The following ELMO1 variants were observed in gnomAD, a reference collection of about 807,000 sequenced individuals.
ELMO1 encodes the protein engulfment and cell motility 1, also known as engulfment and cell motility protein 1.
Under a neutral mutation model 98.9 loss-of-function variants are expected in ELMO1, and 26 were observed. The observed-to-expected ratio is 0.26, with a 90% CI of 0.19 to 0.36. ELMO1 has a LOEUF of 0.36. Among genes scored for constraint, ELMO1 ranks in the 10% least tolerant of loss-of-function variants. The pLI is 1.00. For synonymous variants in ELMO1, 346 were observed against 346.0 expected, an observed-to-expected ratio of 1.00 and a Z score of 0.00; for missense variants, 627 against 935.2, an observed-to-expected ratio of 0.67 and a Z score of 4.30.
chr7:37,319,168 C>A (rs750493545), intron 2 of ELMO1, among the ~76,000 whole-genome samples: 11 of 152,176 alleles, frequency 7.2e-5, no homozygotes, highest in Non-Finnish European at 1.6e-4. Context: ...AACTCTCCTG[C>A]AGGTATCTTA....
chr7:36,986,181 AG>A, intron 16 of ELMO1: 14 of 985,706 alleles, frequency 1.4e-5, no homozygotes, highest in Non-Finnish European at 1.6e-5. Context: ...GCTGGAGCCC[AG>A]GGATGCTCCG....
chr7:36,860,934 G>A (rs1802581187), intron 21 of ELMO1, among the ~76,000 whole-genome samples: 1 of 152,180 alleles, frequency 6.6e-6, no homozygotes, highest in Admixed American at 6.5e-5. Flanking sequence ...ACAAAAGTCA[G>A]ATTCTATTAA....
intron 15 of ELMO1, among the ~76,000 whole-genome samples, chr7:37,077,386 G>A (rs973443299): frequency 1.3e-5 from 2 of 152,180 alleles, no homozygotes; most frequent in African/African-American, 4.8e-5. Flanking sequence ...CATGGCCCAG[G>A]GTGAAGAGGA....
chr7:37,107,976 C>G (rs942733302), intron 14 of ELMO1, among the ~76,000 whole-genome samples: 1 of 151,918 alleles, frequency 6.6e-6, no homozygotes, highest in Admixed American at 6.6e-5. Flanking sequence ...CTCTTCTGGA[C>G]AAATAATAAA....
chr7:37,305,187 TA>T (rs1798547842), intron 4 of ELMO1, among the ~76,000 whole-genome samples: 1 of 152,174 alleles, frequency 6.6e-6, no homozygotes. Flanking sequence ...TAGGGTGAAA[TA>T]AAGTAAAACT....
intron 1 of ELMO1, among the ~76,000 whole-genome samples, chr7:37,408,457 T>G (rs940166181): frequency 6.6e-6 from 1 of 152,234 alleles, no homozygotes. Context: ...ACATTGGCAC[T>G]ACTGTGTACA....
At chr7:37,331,641 G>A (rs1042478719) in intron 2 of ELMO1, among the ~76,000 whole-genome samples, 1 of 152,076 alleles carries the variant, frequency 6.6e-6, no homozygotes, top group African/African-American at 2.4e-5. Flanking sequence ...ACACACCGAT[G>A]TTTAAGCTCT....
intron 16 of ELMO1, among the ~76,000 whole-genome samples, chr7:37,005,125 A>AG (rs1554389270): frequency 1.5e-4 from 23 of 149,622 alleles, no homozygotes; most frequent in African/African-American, 5.1e-4. Context: ...AAAAAAAAAA[A>AG]AAAAAAAGAA....
intron 2 of ELMO1, among the ~76,000 whole-genome samples, chr7:37,336,700 G>A (rs1441646483): frequency 5.3e-5 from 8 of 152,140 alleles, no homozygotes; most frequent in Admixed American, 3.9e-4. Context: ...CAGCTTTGCC[G>A]AGCGTAACCG....
intron 2 of ELMO1, among the ~76,000 whole-genome samples, chr7:37,330,325 T>A (rs950645912): frequency 3.3e-5 from 5 of 152,252 alleles, no homozygotes; most frequent in African/African-American, 1.2e-4. Context: ...TTGAGCCATG[T>A]TCTGAATGAA....
intron 13 of ELMO1, among the ~76,000 whole-genome samples, chr7:37,205,197 TC>T (rs1353736941): frequency 9.2e-5 from 14 of 152,218 alleles, no homozygotes; most frequent in African/African-American, 3.4e-4. Context: ...CCTGGGGACT[TC>T]CAAGTATAGT....
intron 4 of ELMO1, among the ~76,000 whole-genome samples, chr7:37,295,290 C>G (rs1797975948): frequency 6.6e-6 from 1 of 152,158 alleles, no homozygotes; most frequent in Non-Finnish European, 1.5e-5. Flanking sequence ...TGATGCAAAA[C>G]AGTAGGCAAA....
At chr7:37,427,219 C>T (rs1447602507) in intron 1 of ELMO1, among the ~76,000 whole-genome samples, 3 of 152,212 alleles carry the variant, frequency 2.0e-5, no homozygotes, top group Non-Finnish European at 1.5e-5. Context: ...ATGACATCAA[C>T]TTCCAGAATA....
chr7:36,970,180 A>AACACACACACACAC lies in ELMO1; in HGVS notation c.1437+43105_1437+43118dup, dbSNP rs56928749. On this transcript the variant is annotated intron_variant, in intron 16 of 21. Coordinates refer to ENST00000310758, the MANE Select transcript of ELMO1 (RefSeq NM_014800.11). ...CACACACAAATACATTCATACACTT[A>AACACACACACACAC]ACACACACACACACACACACACACA... is the stretch of plus-strand genomic sequence containing the variant. Among the ~76,000 whole-genome samples, 192 of 144,338 alleles carry AACACACACACACAC rather than the reference A, an allele frequency of 1.3e-3. 1 individual carries two copies. Among genetic ancestry groups the AACACACACACACAC allele is most frequent in the African/African-American group, 4.7e-3 (182 of 38,700 alleles). The allele number at this position is 144,338 out of a possible 152,430, so 94.7% of individuals were successfully genotyped here. A position where few individuals can be genotyped will look rare whatever the true frequency, so the allele number is the denominator to read the frequency against.
chr7:37,212,273 T>C (rs1793018908), intron 12 of ELMO1, among the ~76,000 whole-genome samples: 1 of 152,162 alleles, frequency 6.6e-6, no homozygotes, highest in Non-Finnish European at 1.5e-5. Context: ...GTTTCAGTTC[T>C]GCAAGATAAA....
At chr7:37,233,688 G>A (rs2130631695) in intron 7 of ELMO1, among the ~76,000 whole-genome samples, 1 of 151,916 alleles carries the variant, frequency 6.6e-6, no homozygotes, top group Admixed American at 6.6e-5. Flanking sequence ...CATCCAAAGA[G>A]AAAATTAAAA....
At position 37,359,628 on chromosome 7, in the gene ELMO1, T is replaced by C. The variant is rs145818171; in HGVS notation, c.-73-16865A>G. The stretch of plus-strand genomic sequence containing the variant: ...AGTCACTGAGGAAACTGGTCACTTA[T>C]TTGGCTAGTCAGCAATCTAGCCCAT... On this transcript the variant is annotated intron_variant, in intron 1 of 21. Transcript: ENST00000310758. 3.7e-3 allele frequency among the ~76,000 whole-genome samples: 570 copies of C among 152,308 alleles called. 6 individuals carry two copies. Among genetic ancestry groups the C allele is most frequent in the African/African-American group, 0.013 (544 of 41,558 alleles).
chr7:36,894,126 C>G (rs3807168), intron 17 of ELMO1, among the ~76,000 whole-genome samples: 22,363 of 152,144 alleles, frequency 0.15, 1,818 homozygotes, highest in South Asian at 0.23. Flanking sequence ...ATTGACCCAG[C>G]TCTTAGAACA....
At chr7:37,135,517 A>G (rs1284129678) in intron 13 of ELMO1, among the ~76,000 whole-genome samples, 1 of 152,206 alleles carries the variant, frequency 6.6e-6, no homozygotes, top group Non-Finnish European at 1.5e-5. Context: ...GCAGGTATCA[A>G]TGGCTGCAAG....
Sources: allele counts gnomAD v4.1 joint callset (sites outside exome capture counted in the v4.1 genomes callset), GRCh38; gene constraint gnomAD v4.1.1; transcripts MANE v1.5; gene names NCBI Gene and HGNC (gene_info 2026-07-23, HGNC 2026-07-21).